RPA3: variants seen among roughly 807,000 people sequenced by gnomAD.
RPA3 encodes replication protein A3.
In RPA3, 24 loss-of-function variants were observed where a neutral mutation model predicts 13.7. The observed-to-expected ratio is 1.75, with a 90% confidence interval of 1.27 to 2.46. The LOEUF (loss-of-function observed/expected upper bound fraction) is 2.46. RPA3 is among the 30% of genes most tolerant of loss of function. The pLI is 0.00. For synonymous variants in RPA3, 59 were observed against 51.2 expected, an observed-to-expected ratio of 1.15 and a Z score of -0.65; for missense variants, 183 against 151.0, an observed-to-expected ratio of 1.21 and a Z score of -1.11.
intron 2 of RPA3, among the ~76,000 whole-genome samples, chr7:7,693,821 A>G (rs953730841): frequency 6.6e-6 from 1 of 152,142 alleles, no homozygotes; most frequent in Non-Finnish European, 1.5e-5. Context: ...AATCATATTA[A>G]CACTACTTAC....
intron 4 of RPA3, among the ~76,000 whole-genome samples, chr7:7,667,543 C>A (rs1277313261): frequency 6.6e-6 from 1 of 152,124 alleles, no homozygotes; most frequent in Non-Finnish European, 1.5e-5. Context: ...TGTAAGTTCA[C>A]TGCTACACCT....
intron 4 of RPA3, among the ~76,000 whole-genome samples, chr7:7,672,420 G>A (rs887930467): frequency 2.6e-5 from 4 of 152,220 alleles, no homozygotes; most frequent in East Asian, 3.9e-4. Context: ...TCTCACCAAC[G>A]CAAGGATTTG....
chr7:7,660,033 T>G (rs943522560), intron 4 of RPA3, among the ~76,000 whole-genome samples: 1 of 152,258 alleles, frequency 6.6e-6, no homozygotes, highest in Non-Finnish European at 1.5e-5. Context: ...TCTTGTTGCA[T>G]TGATCCCTTT....
intron 4 of RPA3, among the ~76,000 whole-genome samples, chr7:7,650,213 T>C (rs894039925): frequency 1.2e-4 from 18 of 152,244 alleles, no homozygotes; most frequent in African/African-American, 3.9e-4. Flanking sequence ...TACGTTCTTG[T>C]AACTCTGCCT....
intron 5 of RPA3, among the ~76,000 whole-genome samples, chr7:7,639,686 G>A (rs557445619): frequency 1.3e-5 from 2 of 152,318 alleles, no homozygotes; most frequent in African/African-American, 2.4e-5. Context: ...TACTTGGGAA[G>A]TCAGAGCAAC....
intron 4 of RPA3, chr7:7,673,230 A>G: frequency 2.3e-6 from 2 of 869,880 alleles, no homozygotes; most frequent in East Asian, 2.6e-5. Flanking sequence ...TTATATCGTT[A>G]TGCTGAACTT....
intron 4 of RPA3, among the ~76,000 whole-genome samples, chr7:7,643,070 C>A (rs1324265867): frequency 2.0e-5 from 3 of 152,064 alleles, no homozygotes; most frequent in Non-Finnish European, 4.4e-5. Context: ...CTCCCCCAAC[C>A]CACTAGAAAT....
rs569797169 is a variant in RPA3, at chr7:7,711,034, G to C, written c.-1028+4141C>G. Among the ~76,000 whole-genome samples, 4 of 152,316 alleles carry C rather than the reference G, an allele frequency of 2.6e-5. No individual in the cohort carries two copies. In the South Asian group the frequency reaches 8.3e-4, roughly 32 times the overall value. On this transcript the variant is annotated intron_variant, in intron 2 of 7. Coordinates refer to ENST00000223129, the MANE Select transcript of RPA3 (RefSeq NM_002947.5). ...GAAATCATTGGTCGCCGGTGGGTAA[G>C]GATGGGGTGAAAGTTAGAGGCAAGT...
In RPA3 at chr7:7,640,453, C is replaced by A; in HGVS notation, c.-35G>T. 1 of 1,600,378 alleles carries A rather than the reference C, an allele frequency of 6.2e-7. No homozygotes were observed. Among genetic ancestry groups the A allele is most frequent in the South Asian group, 1.1e-5 (1 of 90,824 alleles). On this transcript the variant is annotated 5_prime_UTR_variant, in exon 5 of 8. Transcript: ENST00000223129. ...CCAAGACTGCGGCTGGCGGGAAACCCACGGACGACTGAAACTGTGCGCCCC... is the reference window on the plus strand; with the variant it reads ...CCAAGACTGCGGCTGGCGGGAAACCAACGGACGACTGAAACTGTGCGCCCC...
intron 2 of RPA3, among the ~76,000 whole-genome samples, chr7:7,709,864 T>C (rs1179748129): frequency 6.6e-6 from 1 of 152,172 alleles, no homozygotes; most frequent in Admixed American, 6.5e-5. Context: ...TTAAGAAATA[T>C]AATTTCTTGT....
Position 7,636,726 on chromosome 7 carries a change from T to C in RPA3, c.*274A>G, listed in dbSNP as rs1784873449. 6.0e-6 allele frequency: 2 copies of C among 335,534 alleles called. No homozygotes were observed. Among genetic ancestry groups the C allele is most frequent in the Non-Finnish European group, 1.1e-5 (2 of 185,754 alleles). The allele number at this position is 335,534 out of a possible 1,614,324, so 20.8% of individuals were successfully genotyped here. ...ATGAAATGACCGATAGTACGTACCATTTTAGTTTTTATTAATAAAATAGAA... is the reference window on the plus strand; with the variant it reads ...ATGAAATGACCGATAGTACGTACCACTTTAGTTTTTATTAATAAAATAGAA... On this transcript the variant is annotated 3_prime_UTR_variant, in exon 8 of 8. Transcript: ENST00000223129.
intron 6 of RPA3, 161 bp from the exon 7 acceptor site, chr7:7,638,133 T>C: frequency 4.1e-6 from 2 of 488,662 alleles, no homozygotes; most frequent in Non-Finnish European, 7.4e-6. Context: ...TAACAAATGT[T>C]TGAGTACTTA....
chr7:7,675,146 T>C (rs1779708047), intron 4 of RPA3, among the ~76,000 whole-genome samples: 1 of 152,218 alleles, frequency 6.6e-6, no homozygotes, highest in African/African-American at 2.4e-5. Context: ...ATTACAGGCA[T>C]GAGCCACCAC....
At chr7:7,700,957 A>G (rs1780446767) in intron 2 of RPA3, among the ~76,000 whole-genome samples, 1 of 152,058 alleles carries the variant, frequency 6.6e-6, no homozygotes, top group African/African-American at 2.4e-5. Flanking sequence ...GACTGAGGCA[A>G]GAGAATTGCT....
intron 2 of RPA3, among the ~76,000 whole-genome samples, chr7:7,713,886 A>G (rs902766872): frequency 6.6e-6 from 1 of 152,150 alleles, no homozygotes; most frequent in Non-Finnish European, 1.5e-5. Flanking sequence ...GCTGGAGTGC[A>G]GTGGTGTGAC....
intron 4 of RPA3, among the ~76,000 whole-genome samples, chr7:7,674,157 T>A (rs1318345205): frequency 6.6e-6 from 1 of 152,206 alleles, no homozygotes; most frequent in African/African-American, 2.4e-5. Context: ...CTCATCCTTT[T>A]CCATGCTGGA....
intron 4 of RPA3, among the ~76,000 whole-genome samples, chr7:7,669,756 G>A (rs750571431): frequency 3.3e-5 from 5 of 152,108 alleles, no homozygotes; most frequent in Non-Finnish European, 7.4e-5. Context: ...TAGACACGAG[G>A]GTGACTGATG....
intron 4 of RPA3, among the ~76,000 whole-genome samples, chr7:7,658,930 G>C (rs1785409076): frequency 6.6e-6 from 1 of 152,148 alleles, no homozygotes; most frequent in African/African-American, 2.4e-5. Flanking sequence ...GAATCCATCT[G>C]TTCCTGGACT....
intron 4 of RPA3, among the ~76,000 whole-genome samples, chr7:7,683,201 G>A (rs1382836923): frequency 1.3e-5 from 2 of 152,154 alleles, no homozygotes; most frequent in African/African-American, 2.4e-5. Context: ...TGACTCAAAC[G>A]TAAATTAGGG....
Sources: allele counts gnomAD v4.1 joint callset (sites outside exome capture counted in the v4.1 genomes callset), GRCh38; gene constraint gnomAD v4.1.1; transcripts MANE v1.5; gene names NCBI Gene and HGNC (gene_info 2026-07-23, HGNC 2026-07-21).